CCSER1: variants seen among roughly 807,000 people sequenced by gnomAD.
CCSER1 encodes serine-rich coiled-coil domain-containing protein 1.
CCSER1 carries 41 observed loss-of-function variants against 82.0 expected under a neutral mutation model. The observed-to-expected ratio is 0.50, with a 90% CI of 0.39 to 0.65. The LOEUF is 0.65. Among genes scored for constraint, CCSER1 ranks in the 30% least tolerant of loss-of-function variants. CCSER1 has a pLI of 0.00. For missense variants in CCSER1, 1,119 were observed against 1,064.2 expected (o/e 1.05, Z -0.72); for synonymous variants, 414 against 383.9 (o/e 1.08, Z -0.92).
Position 90,472,280 on chromosome 4 carries a change from A to G in CCSER1, c.1724+3926A>G, listed in dbSNP as rs188803135. On this transcript the variant is annotated intron_variant, in intron 5 of 10. Transcript: ENST00000509176. ...ACATAAGAAAGAATATGTAATATAT[A>G]ATTACATCACTTTAGAAGGTAAGAA... Among the ~76,000 whole-genome samples the G allele has an allele frequency of 2.3e-3, 343 of 152,324 alleles. 1 individual carries two copies. Among genetic ancestry groups the G allele is most frequent in the African/African-American group, 7.9e-3 (327 of 41,596 alleles).
At chr4:90,258,641 T>C (rs1000919653) in intron 1 of CCSER1, among the ~76,000 whole-genome samples, 3 of 151,258 alleles carry the variant, frequency 2.0e-5, no homozygotes, top group African/African-American at 7.4e-5. Flanking sequence ...TAAACAGTCA[T>C]AATGATTTGA....
chr4:90,495,148 A>G (rs1352441713), intron 5 of CCSER1, among the ~76,000 whole-genome samples: 2 of 152,102 alleles, frequency 1.3e-5, no homozygotes, highest in Non-Finnish European at 2.9e-5. Context: ...AGTTTGTATG[A>G]ACACTAATGT....
At chr4:90,330,035 G>T (rs1738994374) in intron 3 of CCSER1, among the ~76,000 whole-genome samples, 1 of 152,044 alleles carries the variant, frequency 6.6e-6, no homozygotes, top group Admixed American at 6.6e-5. Context: ...AGAAAATAAT[G>T]ATAGATTATT....
chr4:90,569,912 C>T lies in CCSER1; in HGVS notation c.1725-58113C>T, dbSNP rs1421072771. Among the ~76,000 whole-genome samples the T allele has an allele frequency of 2.6e-5, 4 of 152,292 alleles. No homozygotes were observed. In the East Asian group the frequency reaches 7.8e-4, roughly 30 times the overall value. The stretch of plus-strand genomic sequence containing the variant: ...GAGAGTGCCTACAGCACAGATTCCA[C>T]CGCCCCCATCTGAGTGCTTTGCTGT... On this transcript the variant is annotated intron_variant, in intron 5 of 10. Coordinates refer to ENST00000509176, the MANE Select transcript of CCSER1 (RefSeq NM_001145065.2).
rs543445511 is a variant in CCSER1 at position 90,980,081 on chromosome 4, A to C, written c.2172+56634A>C. ...GAGATAAATAATCAGGGTGGATGCTATTTTGGATAGAATGCTCAGGAGAGT... is the reference window on the plus strand; with the variant it reads ...GAGATAAATAATCAGGGTGGATGCTCTTTTGGATAGAATGCTCAGGAGAGT... On this transcript the variant is annotated intron_variant, in intron 9 of 10. Transcript: ENST00000509176. 3.9e-5 allele frequency among the ~76,000 whole-genome samples: 6 copies of C among 151,962 alleles called. No individual in the cohort carries two copies. In the South Asian group the frequency reaches 1.2e-3, roughly 32 times the overall value.
rs569875978 is a variant in CCSER1 at position 91,176,946 on chromosome 4, G to T, written c.2217+90952G>T. Among the ~76,000 whole-genome samples the T allele has an allele frequency of 3.3e-5, 5 of 152,236 alleles. No homozygotes were observed. In the East Asian group the frequency reaches 9.7e-4, roughly 29 times the overall value. The stretch of plus-strand genomic sequence containing the variant: ...GTTTTTGCCTATTTAGTATGATATT[G>T]GCTGTGGGTTTGTCATAAATAGCTC... On this transcript the variant is annotated intron_variant, in intron 10 of 10. Transcript: ENST00000509176.
At chr4:90,847,084 A>G (rs922263997) in intron 8 of CCSER1, among the ~76,000 whole-genome samples, 2 of 152,214 alleles carry the variant, frequency 1.3e-5, no homozygotes, top group African/African-American at 4.8e-5. Context: ...ATTTACCAAT[A>G]TGTTCTTAGC....
intron 6 of CCSER1, among the ~76,000 whole-genome samples, chr4:90,660,958 T>TAGTC (rs10651763): frequency 0.51 from 77,695 of 151,716 alleles, 20,096 homozygotes; most frequent in Middle Eastern, 0.66. Context: ...ACTTGGCACA[T>TAGTC]AGTGCTCAAT....
intron 5 of CCSER1, among the ~76,000 whole-genome samples, chr4:90,575,809 A>G (rs1780690092): frequency 6.6e-6 from 1 of 152,052 alleles, no homozygotes; most frequent in African/African-American, 2.4e-5. Flanking sequence ...TTTTCTTAAG[A>G]ATTTTGAAAT....
At chr4:90,944,385 A>G (rs543955538) in intron 9 of CCSER1, among the ~76,000 whole-genome samples, 7 of 152,142 alleles carry the variant, frequency 4.6e-5, no homozygotes, top group Non-Finnish European at 7.4e-5. Flanking sequence ...TCTTACCCCA[A>G]TATCAAGGCT....
Position 91,580,774 on chromosome 4 carries a change from GC to G in CCSER1, c.2218-17796del, listed in dbSNP as rs200867437. On this transcript the variant is annotated intron_variant, in intron 10 of 10. Transcript: ENST00000509176. Reference sequence around the variant, plus strand: ...GTGTTGTTTCTCACTTTAAACAATTGCCTCCTTGACAATTTGGCTTTCATGT... The same window carrying G: ...GTGTTGTTTCTCACTTTAAACAATTGCTCCTTGACAATTTGGCTTTCATGT... Among the ~76,000 whole-genome samples the G allele has an allele frequency of 5.7e-3, 869 of 151,740 alleles. 10 individuals carry two copies. The highest frequency in any genetic ancestry group is 0.019 in the African/African-American group (806 of 41,466).
At chr4:90,718,311 A>T (rs1034667495) in intron 6 of CCSER1, among the ~76,000 whole-genome samples, 5 of 152,110 alleles carry the variant, frequency 3.3e-5, no homozygotes, top group African/African-American at 1.2e-4. Context: ...GTGTACTCAG[A>T]AGATTTCAGC....
chr4:91,004,341 C>T (rs1475163799), intron 9 of CCSER1, among the ~76,000 whole-genome samples: 1 of 152,174 alleles, frequency 6.6e-6, no homozygotes, highest in African/African-American at 2.4e-5. Flanking sequence ...GTCATTGTCT[C>T]CCAACTGGGC....
chr4:90,805,237 T>G lies in CCSER1; in HGVS notation c.2011-10525T>G, dbSNP rs944383020. Among the ~76,000 whole-genome samples, 4 of 152,114 alleles carry G rather than the reference T, an allele frequency of 2.6e-5. No homozygotes were observed. The East Asian group carries it at 7.7e-4, about 29-fold the overall frequency. On this transcript the variant is annotated intron_variant, in intron 7 of 10. Coordinates refer to ENST00000509176, the MANE Select transcript of CCSER1 (RefSeq NM_001145065.2). ...TTCTAGCCTTGTGTTTCTCAGGCAG[T>G]TAGAGTGAGATGTTAGCTGAGACTT...
At chr4:91,287,705 C>T (rs1743391049) in intron 10 of CCSER1, among the ~76,000 whole-genome samples, 1 of 151,972 alleles carries the variant, frequency 6.6e-6, no homozygotes, top group South Asian at 2.1e-4. Context: ...AAGCTCTAAT[C>T]TTCAGAAGGT....
At chr4:90,285,702 C>T (rs879788997) in intron 1 of CCSER1, among the ~76,000 whole-genome samples, 9 of 151,974 alleles carry the variant, frequency 5.9e-5, no homozygotes, top group Non-Finnish European at 1.2e-4. Flanking sequence ...TGAAAGCATA[C>T]ATCCTTGTCT....
intron 9 of CCSER1, among the ~76,000 whole-genome samples, chr4:91,052,409 C>T (rs991560195): frequency 6.6e-6 from 1 of 152,030 alleles, no homozygotes; most frequent in African/African-American, 2.4e-5. Context: ...TAGTAACTTA[C>T]ATAAAGCTTT....
At chr4:91,246,902 A>C (rs2149138871) in intron 10 of CCSER1, among the ~76,000 whole-genome samples, 1 of 152,064 alleles carries the variant, frequency 6.6e-6, no homozygotes, top group African/African-American at 2.4e-5. Context: ...TATTTGCATT[A>C]GGGCCATACA....
chr4:90,501,821 TA>T (rs1256264193), intron 5 of CCSER1, among the ~76,000 whole-genome samples: 1 of 152,190 alleles, frequency 6.6e-6, no homozygotes, highest in Non-Finnish European at 1.5e-5. Flanking sequence ...TATTTTTATG[TA>T]TTGTATACCT....
Sources: allele counts gnomAD v4.1 joint callset (sites outside exome capture counted in the v4.1 genomes callset), GRCh38; gene constraint gnomAD v4.1.1; transcripts MANE v1.5; gene names NCBI Gene and HGNC (gene_info 2026-07-23, HGNC 2026-07-21).